Variants in PRSS57 observed in about 807,000 individuals in gnomAD.
PRSS57 encodes serine protease 57.
In PRSS57, 19 loss-of-function variants were observed where a neutral mutation model predicts 20.6. The observed-to-expected ratio is 0.92, with a 90% CI of 0.64 to 1.35. The LOEUF (loss-of-function observed/expected upper bound fraction) is 1.35, where lower values mean the gene tolerates loss of function less well. PRSS57 is among the 40% of genes most tolerant of loss of function. The pLI is 0.00. For synonymous variants in PRSS57, 203 were observed against 176.6 expected (o/e 1.15, Z -1.19); for missense variants, 440 against 403.7 (o/e 1.09, Z -0.77).
At chr19:686,051 C>T (rs938045219) in intron 4 of PRSS57, 129 bp from the exon 5 acceptor site, 5 of 862,314 alleles carry the variant, frequency 5.8e-6, no homozygotes, top group Non-Finnish European at 3.5e-6. Context: ...AAATTCATTT[C>T]TCCCCTCCAG....
intron 3 of PRSS57, among the ~76,000 whole-genome samples, chr19:689,033 G>A (rs548715023): frequency 1.3e-5 from 2 of 152,270 alleles, no homozygotes; most frequent in East Asian, 1.9e-4. Flanking sequence ...ATCCCTGCCC[G>A]TTAGGTTCAG....
At position 687,112 on chromosome 19, in the gene PRSS57, G is replaced by C. The variant is rs72618588; in HGVS notation, c.455C>G (p.Ala152Gly). The C allele has an allele frequency of 7.4e-6, 12 of 1,612,140 alleles. No homozygotes were observed. The Admixed American group carries it at 2.0e-4, about 27-fold the overall frequency. ...PPGRRARPPT[A>G]GTRCRVAGWG... is the part of the protein sequence containing the mutation. ...GCCAGCCACCCGGCACCGTGTCCCC[G>C]CTGTGGGGGGCCTGGCCCTTCTCCC... is the stretch of plus-strand genomic sequence containing the variant. Residue 152 changes from alanine (A) to glycine (G), a missense_variant, in exon 4 of 5, where the codon GCG (alanine) becomes GGG (glycine). Physicochemically the swap from Ala to Gly is moderately conservative, Grantham distance 60. Coordinates refer to ENST00000329267, the MANE Select transcript of PRSS57 (RefSeq NM_001308209.2).
At position 694,922 on chromosome 19, in the gene PRSS57, T is replaced by TG. The variant is rs746024289; in HGVS notation, c.124dup (p.His42ProfsTer125). 41 of 1,587,420 alleles carry TG rather than the reference T, an allele frequency of 2.6e-5. No homozygotes were observed. The highest frequency in any genetic ancestry group is 3.2e-5 in the Non-Finnish European group (37 of 1,166,908). ...CACGGATGCCATGTAGGGCCTGGAGTGGGGGGTCACCTCGTGGCCCCCGAT... is the reference window on the plus strand; with the variant it reads ...CACGGATGCCATGTAGGGCCTGGAGTGGGGGGGTCACCTCGTGGCCCCCGAT... On this transcript the variant is annotated frameshift_variant, in exon 2 of 5. Coordinates refer to ENST00000329267, the MANE Select transcript of PRSS57 (RefSeq NM_001308209.2). LOFTEE classifies it high-confidence loss of function.
chr19:693,387 C>T (rs2031704141), intron 2 of PRSS57, among the ~76,000 whole-genome samples: 1 of 151,788 alleles, frequency 6.6e-6, no homozygotes, highest in Non-Finnish European at 1.5e-5. Flanking sequence ...AGCTCCGGTG[C>T]GGAGGACTCT....
intron 3 of PRSS57, chr19:691,099 A>G: frequency 4.3e-6 from 1 of 231,894 alleles, no homozygotes; most frequent in South Asian, 8.1e-5. Flanking sequence ...TCTTTCAGGT[A>G]TTCACTGGCC....
chr19:694,776 C>G (rs1035411323), intron 2 of PRSS57, 38 bp downstream of exon 2: 2 of 1,581,196 alleles, frequency 1.3e-6, no homozygotes, highest in Non-Finnish European at 8.6e-7. Flanking sequence ...TGTCGGGATA[C>G]GGTGTCCAGA....
At chr19:686,097 C>G (rs1381280799) in intron 4 of PRSS57, among the ~76,000 whole-genome samples, 175 bp from the exon 5 acceptor site, 1 of 152,170 alleles carries the variant, frequency 6.6e-6, no homozygotes, top group Non-Finnish European at 1.5e-5. Context: ...CTTCTCTGCC[C>G]TCCCCGCTGA....
At position 691,931 on chromosome 19, in the gene PRSS57, A is replaced by G; in HGVS notation, c.305T>C (p.Phe102Ser). 7.5e-7 allele frequency: 1 copy of G among 1,335,696 alleles called. No individual in the cohort carries two copies. The highest frequency in any genetic ancestry group is 9.7e-7 in the Non-Finnish European group (1 of 1,033,564). The allele number at this position is 1,335,696 out of a possible 1,614,324, so 82.7% of individuals were successfully genotyped here. The change falls in exon 3 of 5, where the codon TTT becomes TCT. Residue 102 changes from phenylalanine (F) to serine (S), a missense_variant. By Grantham distance (155) the Phe-to-Ser change is radical. Coordinates refer to ENST00000329267, the MANE Select transcript of PRSS57 (RefSeq NM_001308209.2). ...LSTAEPTQQVFGIDALTTHPD... is the reference protein window; with the variant it reads ...LSTAEPTQQVSGIDALTTHPD... ...GTGTGTGGTGAGAGCATCGATGCCA[A>G]ACACCTGCTGGGTGGGCTCCGCAGT... is the stretch of plus-strand genomic sequence containing the variant.
chr19:694,927 G>T lies in PRSS57; in HGVS notation c.120C>A (p.Thr40=), dbSNP rs963605298. 6.3e-7 allele frequency: 1 copy of T among 1,586,314 alleles called. No individual in the cohort carries two copies. The highest frequency in any genetic ancestry group is 1.3e-5 in the African/African-American group (1 of 74,200). The change falls in exon 2 of 5, where the codon ACC becomes ACA. Residue 40 remains threonine (T), a synonymous_variant. Coordinates refer to ENST00000329267, the MANE Select transcript of PRSS57 (RefSeq NM_001308209.2). Reference sequence around the variant, plus strand: ...ATGCCATGTAGGGCCTGGAGTGGGGGGTCACCTCGTGGCCCCCGATGATCT... The same window carrying T: ...ATGCCATGTAGGGCCTGGAGTGGGGTGTCACCTCGTGGCCCCCGATGATCT... ...GAQIIGGHEV[T]PHSRPYMASV...
rs2031450724 is a variant in PRSS57, at chr19:685,698, A to G, written c.*18T>C. The G allele has an allele frequency of 6.6e-7, 1 of 1,507,180 alleles. No homozygotes were observed. Among genetic ancestry groups the G allele is most frequent in the Middle Eastern group, 2.3e-4 (1 of 4,418 alleles). 93.4% of individuals were successfully genotyped at this position (1,507,180 alleles called of 1,614,324 possible). On this transcript the variant is annotated 3_prime_UTR_variant, in exon 5 of 5. Transcript: ENST00000329267. Reference sequence around the variant, plus strand: ...GGCCTGGAGCGGCCATCTCATTTGCATGCCGCAAGGTTGTGGCTCAGGCGG... The same window carrying G: ...GGCCTGGAGCGGCCATCTCATTTGCGTGCCGCAAGGTTGTGGCTCAGGCGG...
intron 1 of PRSS57, among the ~76,000 whole-genome samples, 160 bp downstream of exon 1, chr19:695,192 C>G (rs967781561): frequency 6.6e-6 from 1 of 152,126 alleles, no homozygotes; most frequent in Non-Finnish European, 1.5e-5. Context: ...AGACCCCGGC[C>G]GGATTTCCAT....
At chr19:694,136 G>A (rs2031723669) in intron 2 of PRSS57, among the ~76,000 whole-genome samples, 1 of 152,086 alleles carries the variant, frequency 6.6e-6, no homozygotes, top group African/African-American at 2.4e-5. Context: ...CCCAACGTGA[G>A]GGGGACTGCA....
intron 3 of PRSS57, among the ~76,000 whole-genome samples, chr19:688,217 G>A (rs1009964142): frequency 2.6e-5 from 4 of 152,150 alleles, no homozygotes; most frequent in Non-Finnish European, 4.4e-5. Flanking sequence ...TTGATGTCTC[G>A]CTCAGCCTCA....
chr19:689,294 G>A (rs1489550022), intron 3 of PRSS57, among the ~76,000 whole-genome samples: 2 of 152,058 alleles, frequency 1.3e-5, no homozygotes, highest in Non-Finnish European at 2.9e-5. Flanking sequence ...TGATGACGGG[G>A]CTGGAACAGG....
chr19:693,908 T>G (rs1346687918), intron 2 of PRSS57, among the ~76,000 whole-genome samples: 1 of 151,982 alleles, frequency 6.6e-6, no homozygotes, highest in Non-Finnish European at 1.5e-5. Flanking sequence ...TCCGGCTAAT[T>G]TTTTTGTATT....
At chr19:695,297 C>T (rs916382369) in intron 1 of PRSS57, 55 bp downstream of exon 1, 1 of 894,468 alleles carries the variant, frequency 1.1e-6, no homozygotes, top group Non-Finnish European at 1.5e-6. Flanking sequence ...CCGGGTGTGG[C>T]CCCCGTACGG....
intron 2 of PRSS57, among the ~76,000 whole-genome samples, chr19:693,029 G>A (rs1011503923): frequency 2.0e-5 from 3 of 151,024 alleles, no homozygotes; most frequent in African/African-American, 7.3e-5. Flanking sequence ...CCGGGTTCAC[G>A]CCATTCTCCT....
At chr19:688,850 C>T (rs572851448) in intron 3 of PRSS57, among the ~76,000 whole-genome samples, 28 of 152,250 alleles carry the variant, frequency 1.8e-4, no homozygotes, top group Admixed American at 4.6e-4. Context: ...CTACCCGCCT[C>T]GGCCTCCCAA....
chr19:691,923 C>G lies in PRSS57; in HGVS notation c.313G>C (p.Asp105His). The G allele has an allele frequency of 7.5e-7, 1 of 1,336,258 alleles. No homozygotes were observed. The allele number at this position is 1,336,258 out of a possible 1,614,324, so 82.8% of individuals were successfully genotyped here. A position where few individuals can be genotyped will look rare whatever the true frequency, so the allele number is the denominator to read the frequency against. Residue 105 changes from aspartate (D) to histidine (H), a missense_variant, in exon 3 of 5, where the codon GAT (aspartate) becomes CAT (histidine). By Grantham distance (81) the Asp-to-His change is moderately conservative. Coordinates refer to ENST00000329267, the MANE Select transcript of PRSS57 (RefSeq NM_001308209.2). The stretch of plus-strand genomic sequence containing the variant: ...TAGTCGGGGTGTGTGGTGAGAGCAT[C>G]GATGCCAAACACCTGCTGGGTGGGC... ...AEPTQQVFGI[D>H]ALTTHPDYHP...
Sources: gnomAD v4.1 joint callset for allele counts (sites outside exome capture counted in the v4.1 genomes callset) on GRCh38, gnomAD v4.1.1 for gene constraint, MANE v1.5 for transcripts, NCBI Gene and HGNC (gene_info 2026-07-23, HGNC 2026-07-21) for gene names.